NUBPL: variants seen among roughly 807,000 people sequenced by gnomAD.
The protein encoded by NUBPL is NUBP iron-sulfur cluster assembly factor, mitochondrial, also known as iron-sulfur cluster transfer protein NUBPL.
In NUBPL, 31 loss-of-function variants were observed where a neutral mutation model predicts 45.7. The observed-to-expected ratio is 0.68, with a 90% confidence interval of 0.51 to 0.92. The LOEUF is 0.92. Among genes scored for constraint, NUBPL ranks in the 40% least tolerant of loss-of-function variants. The pLI is 0.00. For missense variants in NUBPL, 401 were observed against 398.7 expected, an observed-to-expected ratio of 1.01 and a Z score of -0.05; for synonymous variants, 144 against 140.9, an observed-to-expected ratio of 1.02 and a Z score of -0.15.
chr14:31,811,862 T>A (rs1210225772), intron 7 of NUBPL, among the ~76,000 whole-genome samples: 2 of 152,218 alleles, frequency 1.3e-5, no homozygotes, highest in African/African-American at 4.8e-5. Flanking sequence ...TAGTTTTTCT[T>A]CTACCAGTCA....
intron 4 of NUBPL, among the ~76,000 whole-genome samples, chr14:31,659,898 T>C (rs1444531300): frequency 6.6e-6 from 1 of 152,040 alleles, no homozygotes; most frequent in Non-Finnish European, 1.5e-5. Context: ...AACTGAAAAA[T>C]AGATTGGATT....
chr14:31,778,343 A>G (rs568480231), intron 6 of NUBPL, among the ~76,000 whole-genome samples: 25 of 152,260 alleles, frequency 1.6e-4, no homozygotes, highest in African/African-American at 5.8e-4. Context: ...AAAAAAAACA[A>G]TGTGGTTTCT....
At chr14:31,832,093 A>G (rs548176999) in intron 8 of NUBPL, among the ~76,000 whole-genome samples, 42 of 152,208 alleles carry the variant, frequency 2.8e-4, no homozygotes, top group Non-Finnish European at 4.4e-4. Flanking sequence ...TCTCAAGTAT[A>G]AATACACATA....
intron 8 of NUBPL, among the ~76,000 whole-genome samples, chr14:31,841,754 C>T (rs1280240294): frequency 6.6e-6 from 1 of 151,516 alleles, no homozygotes; most frequent in African/African-American, 2.4e-5. Context: ...TTATTATTTA[C>T]CTGTCATATT....
intron 8 of NUBPL, among the ~76,000 whole-genome samples, chr14:31,842,120 G>A (rs1489524703): frequency 1.3e-5 from 2 of 151,164 alleles, no homozygotes; most frequent in Non-Finnish European, 2.9e-5. Flanking sequence ...TAGTAGAGAT[G>A]GGGTTTCACC....
At chr14:31,789,995 A>G (rs1366555957) in intron 7 of NUBPL, among the ~76,000 whole-genome samples, 1 of 151,244 alleles carries the variant, frequency 6.6e-6, no homozygotes, top group African/African-American at 2.4e-5. Context: ...CCAAATGTTC[A>G]TTTTAAAAAA....
rs368241453 is a variant in NUBPL at position 31,707,691 on chromosome 14, A to T, written c.513+34117A>T. The stretch of plus-strand genomic sequence containing the variant: ...GGCCCTGGTCCCTCTAGCTAAGATT[A>T]GACCTAGATATTTGACCTGCTATAG... On this transcript the variant is annotated intron_variant, in intron 6 of 10. Transcript: ENST00000281081. 2.6e-4 allele frequency among the ~76,000 whole-genome samples: 40 copies of T among 152,368 alleles called. 1 individual carries two copies. In the South Asian group the frequency reaches 8.1e-3, roughly 31 times the overall value.
chr14:31,689,016 G>T (rs575669154), intron 6 of NUBPL, among the ~76,000 whole-genome samples: 1 of 151,144 alleles, frequency 6.6e-6, no homozygotes, highest in Non-Finnish European at 1.5e-5. Flanking sequence ...TTTTGTGGCT[G>T]CATTGTATTC....
In NUBPL at chr14:31,798,307, T is replaced by A. The variant is rs958034133; in HGVS notation, c.607+10434T>A. ...CATTTTAGGTATTTATTTATGGTTT[T>A]TTTTTTTTTTTTTTGCTGTGCTGTA... On this transcript the variant is annotated intron_variant, in intron 7 of 10. Coordinates refer to ENST00000281081, the MANE Select transcript of NUBPL (RefSeq NM_025152.3). 3.3e-3 allele frequency among the ~76,000 whole-genome samples: 489 copies of A among 149,130 alleles called. 3 individuals carry two copies. The highest frequency in any genetic ancestry group is 0.011 in the African/African-American group (463 of 40,416).
At chr14:31,607,276 G>T (rs1344976074) in intron 4 of NUBPL, among the ~76,000 whole-genome samples, 1 of 151,860 alleles carries the variant, frequency 6.6e-6, no homozygotes, top group Non-Finnish European at 1.5e-5. Context: ...CCAGCTACTC[G>T]GGAGGCTGAG....
At chr14:31,748,066 T>A (rs1038138273) in intron 6 of NUBPL, among the ~76,000 whole-genome samples, 1 of 152,370 alleles carries the variant, frequency 6.6e-6, no homozygotes, top group Non-Finnish European at 1.5e-5. Context: ...CCATTGGTCA[T>A]TCAGGGGCAT....
At chr14:31,725,363 A>G (rs2037897475) in intron 6 of NUBPL, among the ~76,000 whole-genome samples, 4 of 152,162 alleles carry the variant, frequency 2.6e-5, no homozygotes, top group Admixed American at 2.6e-4. Context: ...GATTGTTGTG[A>G]TAACTAAATG....
Position 31,751,783 on chromosome 14 carries a change from C to T in NUBPL, c.514-35997C>T, listed in dbSNP as rs187210953. On this transcript the variant is annotated intron_variant, in intron 6 of 10. Coordinates refer to ENST00000281081, the MANE Select transcript of NUBPL (RefSeq NM_025152.3). ...GTGGGGGTTTCAAACCCCATATTTT[C>T]CCTCTGCATTGCCCTAGTAGAGGTT... 1.4e-3 allele frequency among the ~76,000 whole-genome samples: 212 copies of T among 152,342 alleles called. 1 individual carries two copies. The highest frequency in any genetic ancestry group is 2.6e-3 in the Non-Finnish European group (177 of 68,030).
chr14:31,717,201 A>G (rs2037709589), intron 6 of NUBPL, among the ~76,000 whole-genome samples: 1 of 152,114 alleles, frequency 6.6e-6, no homozygotes, highest in African/African-American at 2.4e-5. Context: ...AAGCAGTTTG[A>G]TATTCCTGAA....
intron 6 of NUBPL, among the ~76,000 whole-genome samples, chr14:31,754,591 C>CTTTTTTTTTT (rs59085679): frequency 9.6e-6 from 1 of 103,694 alleles, no homozygotes; most frequent in Non-Finnish European, 1.9e-5. Context: ...AGAGGGTTTT[C>CTTTTTTTTTT]TTTTTTTTTT....
chr14:31,784,797 A>G (rs1236525410), intron 6 of NUBPL, among the ~76,000 whole-genome samples: 1 of 152,204 alleles, frequency 6.6e-6, no homozygotes, highest in African/African-American at 2.4e-5. Context: ...GGAAATTAGG[A>G]TTCCTAAAAA....
intron 7 of NUBPL, among the ~76,000 whole-genome samples, chr14:31,825,013 T>C (rs1023481210): frequency 1.3e-5 from 2 of 152,216 alleles, no homozygotes; most frequent in Non-Finnish European, 2.9e-5. Flanking sequence ...AAAATTGTGC[T>C]GCACTTTCTC....
At chr14:31,787,357 T>C (rs1009736435) in intron 6 of NUBPL, among the ~76,000 whole-genome samples, 1 of 152,202 alleles carries the variant, frequency 6.6e-6, no homozygotes, top group African/African-American at 2.4e-5. Context: ...TCATTATTAG[T>C]GTATTTTTGT....
chr14:31,835,730 A>G (rs1206176215), intron 8 of NUBPL, among the ~76,000 whole-genome samples: 18 of 152,046 alleles, frequency 1.2e-4, no homozygotes. Flanking sequence ...TCAAATGACT[A>G]TTTCTGAAAG....
Sources: gnomAD v4.1 joint callset for allele counts (sites outside exome capture counted in the v4.1 genomes callset) on GRCh38, gnomAD v4.1.1 for gene constraint, MANE v1.5 for transcripts, NCBI Gene and HGNC (gene_info 2026-07-23, HGNC 2026-07-21) for gene names.